LIPK: variants seen among roughly 807,000 people sequenced by gnomAD.
The protein encoded by LIPK is lipase family member K, also known as lipase member K.
LIPK carries 32 observed loss-of-function variants against 48.6 expected under a neutral mutation model. That is an observed-to-expected ratio of 0.66 (90% confidence interval 0.50 to 0.88). The LOEUF (loss-of-function observed/expected upper bound fraction) is 0.88, where lower values mean the gene tolerates loss of function less well. Ranked by LOEUF, LIPK falls within the 40% of genes least tolerant of loss-of-function variation. LIPK has a pLI of 0.00. For synonymous variants in LIPK, 164 were observed against 157.4 expected (o/e 1.04, Z -0.32); for missense variants, 507 against 478.5 (o/e 1.06, Z -0.56).
intron 5 of LIPK, 64 bp downstream of exon 5, chr10:88,732,351 C>G (rs1842484914): frequency 2.5e-6 from 4 of 1,594,940 alleles, no homozygotes; most frequent in Non-Finnish European, 3.4e-6. Flanking sequence ...GCTACATTTA[C>G]TACAACTTAA....
intron 6 of LIPK, among the ~76,000 whole-genome samples, chr10:88,732,752 T>C (rs1430219600): frequency 6.6e-6 from 1 of 152,244 alleles, no homozygotes; most frequent in South Asian, 2.1e-4. Context: ...TGCCCTACTT[T>C]CTTCATCTAT....
chr10:88,732,263 G>C lies in LIPK; in HGVS notation c.508G>C (p.Gly170Arg). Reference sequence around the variant, plus strand: ...TGGACAGAAGCGACTCTACTACGTGGGCCACTCACAAGGCACCACCATAGG... The same window carrying C: ...TGGACAGAAGCGACTCTACTACGTGCGCCACTCACAAGGCACCACCATAGG... ...KTGQKRLYYV[G>R]HSQGTTIAFI... Residue 170 changes from glycine (G) to arginine (R), a missense_variant, in exon 5 of 10, where the codon GGC becomes CGC. Physicochemically the swap from Gly to Arg is moderately radical, Grantham distance 125. Coordinates refer to ENST00000404190, the MANE Select transcript of LIPK (RefSeq NM_001080518.2). 1 of 1,613,748 alleles carries C rather than the reference G, an allele frequency of 6.2e-7. No homozygotes were observed. Among genetic ancestry groups the C allele is most frequent in the Non-Finnish European group, 8.5e-7 (1 of 1,179,820 alleles).
At chr10:88,729,521 T>A (rs988273868) in intron 3 of LIPK, among the ~76,000 whole-genome samples, 1 of 152,226 alleles carries the variant, frequency 6.6e-6, no homozygotes, top group Non-Finnish European at 1.5e-5. Context: ...AACTTTTAAG[T>A]CTCTCCAAAC....
chr10:88,751,828 C>A (rs1469000323), intron 9 of LIPK, among the ~76,000 whole-genome samples: 2 of 152,226 alleles, frequency 1.3e-5, no homozygotes, highest in East Asian at 3.9e-4. Context: ...ATGGCTATGG[C>A]AAAAAGTTCT....
At chr10:88,747,115 A>C in intron 9 of LIPK, among the ~76,000 whole-genome samples, 1 of 152,344 alleles carries the variant, frequency 6.6e-6, no homozygotes, top group South Asian at 2.1e-4. Context: ...AAACTGAATC[A>C]GTACTAAAAC....
intron 3 of LIPK, 149 bp from the exon 4 acceptor site, chr10:88,730,834 A>T (rs1371156606): frequency 3.3e-6 from 2 of 604,146 alleles, no homozygotes; most frequent in African/African-American, 3.8e-5. Context: ...CCAAGTAAGT[A>T]GCTCAGAAGG....
At chr10:88,727,366 A>G in intron 3 of LIPK, 1 of 203,686 alleles carries the variant, frequency 4.9e-6, no homozygotes, top group Non-Finnish European at 9.8e-6. Context: ...AATGTCTTCA[A>G]CTACTACAAT....
At chr10:88,743,942 A>G (rs416301) in intron 9 of LIPK, among the ~76,000 whole-genome samples, 1 of 152,100 alleles carries the variant, frequency 6.6e-6, no homozygotes. Context: ...GTTGGCAGGG[A>G]CAGGACTCTT....
At chr10:88,744,726 A>G (rs1254519642) in intron 9 of LIPK, among the ~76,000 whole-genome samples, 2 of 152,230 alleles carry the variant, frequency 1.3e-5, no homozygotes, top group Non-Finnish European at 2.9e-5. Flanking sequence ...GAAAAGGCAA[A>G]TGACCTCTAA....
chr10:88,709,282 A>G (rs1841986312), intron 1 of LIPK, among the ~76,000 whole-genome samples: 1 of 152,170 alleles, frequency 6.6e-6, no homozygotes, highest in African/African-American at 2.4e-5. Flanking sequence ...ATCAACAAAA[A>G]TTATTTTATT....
chr10:88,707,361 T>C (rs1233782982), intron 1 of LIPK, among the ~76,000 whole-genome samples: 9 of 152,132 alleles, frequency 5.9e-5, no homozygotes, highest in Admixed American at 5.9e-4. Context: ...CCTTACTTTG[T>C]AAGGACATTG....
rs376096296 is a variant in LIPK at position 88,737,719 on chromosome 10, C to G, written c.754C>G (p.Arg252Gly). Residue 252 changes from arginine (R) to glycine (G), a missense_variant, in exon 7 of 10, where the codon CGT becomes GGT. Physicochemically the swap from Arg to Gly is moderately radical, Grantham distance 125. Coordinates refer to ENST00000404190, the MANE Select transcript of LIPK (RefSeq NM_001080518.2). The stretch of plus-strand genomic sequence containing the variant: ...CAAAGTGTGCAATCGAAAGCTATTC[C>G]GTCGTATTTGCAGCAACTTCCTATT... ...ATKVCNRKLFRRICSNFLFTL... is the reference protein window; with the variant it reads ...ATKVCNRKLFGRICSNFLFTL... 9 of 1,613,854 alleles carry G rather than the reference C, an allele frequency of 5.6e-6. No homozygotes were observed. Among genetic ancestry groups the G allele is most frequent in the South Asian group, 2.2e-5 (2 of 91,078 alleles).
intron 8 of LIPK, among the ~76,000 whole-genome samples, chr10:88,741,232 CA>C (rs1285119062): frequency 6.6e-6 from 1 of 151,658 alleles, no homozygotes; most frequent in Non-Finnish European, 1.5e-5. Context: ...GACAGGGTCT[CA>C]AAAAAAAGCG....
chr10:88,714,828 G>A, intron 1 of LIPK, among the ~76,000 whole-genome samples: 1 of 151,410 alleles, frequency 6.6e-6, no homozygotes, highest in East Asian at 1.9e-4. Flanking sequence ...ACCAACTTTT[G>A]GCTTTATTAA....
chr10:88,734,620 A>G (rs112474110), intron 6 of LIPK, among the ~76,000 whole-genome samples: 3 of 152,214 alleles, frequency 2.0e-5, no homozygotes, highest in African/African-American at 7.2e-5. Flanking sequence ...GGTAAAGGAC[A>G]TCAAGAAGGG....
Position 88,752,774 on chromosome 10 carries a change from TA to T in LIPK, c.*20del. 1.3e-6 allele frequency: 2 copies of T among 1,508,992 alleles called. No homozygotes were observed. The highest frequency in any genetic ancestry group is 1.2e-5 in the South Asian group (1 of 82,686). 93.5% of individuals were successfully genotyped at this position (1,508,992 alleles called of 1,614,324 possible). A position where few individuals can be genotyped will look rare whatever the true frequency, so the allele number is the denominator to read the frequency against. ...AAAATTAAATGCACTTTACTTTCTC[TA>T]AGCAAGTGGATTTTCATAATAATAA... is the stretch of plus-strand genomic sequence containing the variant. On this transcript the variant is annotated 3_prime_UTR_variant, in exon 10 of 10. Transcript: ENST00000404190.
intron 1 of LIPK, among the ~76,000 whole-genome samples, chr10:88,723,672 T>C (rs1032487049): frequency 6.6e-6 from 1 of 152,126 alleles, no homozygotes; most frequent in Non-Finnish European, 1.5e-5. Flanking sequence ...TAATACTGGA[T>C]ATAGAAAATT....
Position 88,731,114 on chromosome 10 carries a change from C to G in LIPK, c.355C>G (p.Arg119Gly), listed in dbSNP as rs1252905443. 6.2e-6 allele frequency: 10 copies of G among 1,605,964 alleles called. No individual in the cohort carries two copies. The highest frequency in any genetic ancestry group is 8.5e-6 in the Non-Finnish European group (10 of 1,176,592). Reference sequence around the variant, plus strand: ...TTATGACGTGTGGTTGGGGAACAGCCGAGGAAACACTTGGTCCAGAAAACA... The same window carrying G: ...TTATGACGTGTGGTTGGGGAACAGCGGAGGAAACACTTGGTCCAGAAAACA... ...SGYDVWLGNS[R>G]GNTWSRKHLK... The change falls in exon 4 of 10, where the codon CGA becomes GGA. Residue 119 changes from arginine (R) to glycine (G), a missense_variant. Coordinates refer to ENST00000404190, the MANE Select transcript of LIPK (RefSeq NM_001080518.2).
At chr10:88,748,188 C>G (rs562512541) in intron 9 of LIPK, among the ~76,000 whole-genome samples, 2 of 152,218 alleles carry the variant, frequency 1.3e-5, no homozygotes, top group East Asian at 3.9e-4. Flanking sequence ...ACCACATGTT[C>G]TTACTCATAA....
Sources: allele counts gnomAD v4.1 joint callset (sites outside exome capture counted in the v4.1 genomes callset), GRCh38; gene constraint gnomAD v4.1.1; transcripts MANE v1.5; gene names NCBI Gene and HGNC (gene_info 2026-07-23, HGNC 2026-07-21).